Variants in CEP290 observed in about 807,000 individuals in gnomAD.
The protein encoded by CEP290 is centrosomal protein of 290 kDa.
In CEP290, 317 loss-of-function variants were observed where a neutral mutation model predicts 344.9. That is an observed-to-expected ratio of 0.92 (90% CI 0.84 to 1.01). The LOEUF (loss-of-function observed/expected upper bound fraction) is 1.01. CEP290 is among the 50% of genes least tolerant of loss of function. The pLI, the probability that CEP290 is intolerant of heterozygous loss-of-function variation, is 0.00. For synonymous variants in CEP290, 932 were observed against 895.8 expected (o/e 1.04, Z -0.72); for missense variants, 2,754 against 2,761.4 (o/e 1.00, Z 0.06).
Position 88,068,724 on chromosome 12 carries a change from AAAAAG to A in CEP290, c.6012-84_6012-80del, listed in dbSNP as rs950460038. The stretch of plus-strand genomic sequence containing the variant: ...TGTACTATATAAAAATACAAGATAA[AAAAAG>A]AAAAGTTCAGTGTGTTTATTAACAC... On this transcript the variant is annotated intron_variant, in intron 43 of 53. Coordinates refer to ENST00000552810, the MANE Select transcript of CEP290 (RefSeq NM_025114.4). 49 of 1,450,868 alleles carry A rather than the reference AAAAAG, an allele frequency of 3.4e-5. No homozygotes were observed. In the African/African-American group the frequency reaches 5.5e-4, roughly 16 times the overall value. 89.9% of individuals were successfully genotyped at this position (1,450,868 alleles called of 1,614,324 possible). A position where few individuals can be genotyped will look rare whatever the true frequency, so the allele number is the denominator to read the frequency against.
At chr12:88,116,379 G>T (rs1381398058) in intron 18 of CEP290, among the ~76,000 whole-genome samples, 1 of 152,160 alleles carries the variant, frequency 6.6e-6, no homozygotes, top group Non-Finnish European at 1.5e-5. Context: ...AGGGACAAAA[G>T]GATGCATTCC....
Position 88,087,769 on chromosome 12 carries a change from TA to T in CEP290, c.4194+10del. ...CTTAGGGAAAAAAATGAAATAAATA[TA>T]AAATAAAACCTTGTTCTGTTGCACA... is the stretch of plus-strand genomic sequence containing the variant. On this transcript the variant is annotated intron_variant, in intron 32 of 53. Coordinates refer to ENST00000552810, the MANE Select transcript of CEP290 (RefSeq NM_025114.4). 1.1e-6 allele frequency: 1 copy of T among 877,400 alleles called. No individual in the cohort carries two copies. Among genetic ancestry groups the T allele is most frequent in the Non-Finnish European group, 1.5e-6 (1 of 653,298 alleles). 54.4% of individuals were successfully genotyped at this position (877,400 alleles called of 1,614,324 possible).
intron 41 of CEP290, among the ~76,000 whole-genome samples, chr12:88,075,538 A>G (rs943539138): frequency 6.6e-6 from 1 of 152,054 alleles, no homozygotes; most frequent in Non-Finnish European, 1.5e-5. Context: ...TTATGGTCTA[A>G]TAAAAAAAGA....
Position 88,055,646 on chromosome 12 carries a change from T to G in CEP290, c.6890A>C (p.Lys2297Thr). The change falls in exon 50 of 54, where the codon AAA becomes ACA. Residue 2297 changes from lysine to threonine, a missense_variant. By Grantham distance (78) the Lys-to-Thr change is moderately conservative (BLOSUM62 -1). Transcript: ENST00000552810. ...CTCTGTTGCTTCTTTTACAAGCTGTTTAAGGTCAGTAATGCTTTGATTTTT... is the reference window on the plus strand; with the variant it reads ...CTCTGTTGCTTCTTTTACAAGCTGTGTAAGGTCAGTAATGCTTTGATTTTT... ...AKKNQSITDL[K>T]QLVKEATERE... is the part of the protein sequence containing the mutation. 1.3e-6 allele frequency: 2 copies of G among 1,571,002 alleles called. No individual in the cohort carries two copies. The highest frequency in any genetic ancestry group is 1.7e-6 in the Non-Finnish European group (2 of 1,157,642).
intron 43 of CEP290, among the ~76,000 whole-genome samples, chr12:88,069,020 T>C (rs113618888): frequency 6.6e-6 from 1 of 152,168 alleles, no homozygotes; most frequent in Non-Finnish European, 1.5e-5. Flanking sequence ...CATGGTCTTC[T>C]CAAGAAGCTC....
intron 13 of CEP290, 117 bp from the exon 14 acceptor site, chr12:88,121,283 G>A (rs555033939): frequency 1.5e-6 from 1 of 673,184 alleles, no homozygotes; most frequent in South Asian, 2.4e-5. Flanking sequence ...CTTTAAAGTT[G>A]TCATTTTATA....
intron 6 of CEP290, 114 bp from the exon 7 acceptor site, chr12:88,131,332 C>T (rs757554979): frequency 6.3e-5 from 41 of 655,862 alleles, no homozygotes; most frequent in African/African-American, 9.9e-5. Context: ...GGTGCGATCT[C>T]GGCTCACTGC....
At position 88,093,757 on chromosome 12, in the gene CEP290, T is replaced by C. The variant is rs1336881810; in HGVS notation, c.3309+13A>G. On this transcript the variant is annotated intron_variant, in intron 28 of 53. Transcript: ENST00000552810. ...TATTCTATAATTGTATGATAAAACTTATAATATCAAACCTCAGCAAATTTG... is the reference window on the plus strand; with the variant it reads ...TATTCTATAATTGTATGATAAAACTCATAATATCAAACCTCAGCAAATTTG... 1 of 1,568,760 alleles carries C rather than the reference T, an allele frequency of 6.4e-7. No individual in the cohort carries two copies. Among genetic ancestry groups the C allele is most frequent in the Non-Finnish European group, 8.7e-7 (1 of 1,149,552 alleles).
At position 88,089,129 on chromosome 12, in the gene CEP290, T is replaced by G. The variant is rs746025281; in HGVS notation, c.3932A>C (p.His1311Pro). 6.3e-7 allele frequency: 1 copy of G among 1,595,576 alleles called. No homozygotes were observed. The highest frequency in any genetic ancestry group is 8.5e-7 in the Non-Finnish European group (1 of 1,172,372). ...CAATGTTTTGTTCTCCATATTTCTA[T>G]GTTCTTGTTGAGAATTTTTCATTTC... ...MQEMKNSQQE[H>P]RNMENKTLEM... Residue 1311 changes from histidine (H) to proline (P), a missense_variant, in exon 31 of 54, where the codon CAT becomes CCT. Coordinates refer to ENST00000552810, the MANE Select transcript of CEP290 (RefSeq NM_025114.4).
rs747065944 is a variant in CEP290, at chr12:88,106,779, C to T, written c.2713G>A (p.Glu905Lys). Reference protein sequence around the residue: ...SLIRQYTTLVELERQLRKENE... With the variant: ...SLIRQYTTLVKLERQLRKENE... Reference sequence around the variant, plus strand: ...TCTTTTCTAAGTTGTCGCTCCAATTCTACTAAGGTTGTATATTGCCTTATA... The same window carrying T: ...TCTTTTCTAAGTTGTCGCTCCAATTTTACTAAGGTTGTATATTGCCTTATA... The change falls in exon 25 of 54, where the codon GAA (glutamate) becomes AAA (lysine). Residue 905 changes from glutamate (E) to lysine (K), a missense_variant. Physicochemically the swap from Glu to Lys is moderately conservative, Grantham distance 56. Transcript: ENST00000552810. The T allele has an allele frequency of 2.0e-5, 33 of 1,610,336 alleles. No individual in the cohort carries two copies. The highest frequency in any genetic ancestry group is 3.3e-4 in the Middle Eastern group (2 of 6,074).
chr12:88,063,912 A>G (rs2034684573), intron 45 of CEP290, 69 bp downstream of exon 45: 1 of 1,325,810 alleles, frequency 7.5e-7, no homozygotes, highest in Admixed American at 2.6e-5. Flanking sequence ...TAAGCTAATA[A>G]AAGTAAACAT....
intron 18 of CEP290, 112 bp from the exon 19 acceptor site, chr12:88,115,294 A>C: frequency 1.4e-6 from 1 of 719,456 alleles, no homozygotes; most frequent in Non-Finnish European, 2.2e-6. Flanking sequence ...CAAAACAAAA[A>C]AAACGAGCTA....
rs569640908 is a variant in CEP290, at chr12:88,116,090, G to A, written c.1825-908C>T. ...GCCTAAGTGATAACTTCTGCATTAT[G>A]TCTGAAGCTGTTGATAAGCCATGAA... On this transcript the variant is annotated intron_variant, in intron 18 of 53. Transcript: ENST00000552810. 5.2e-5 allele frequency: 51 copies of A among 983,720 alleles called. No homozygotes were observed. In the African/African-American group the frequency reaches 8.4e-4, roughly 16 times the overall value. 60.9% of individuals were successfully genotyped at this position (983,720 alleles called of 1,614,324 possible).
At chr12:88,124,129 C>G (rs1024394082) in intron 13 of CEP290, among the ~76,000 whole-genome samples, 2 of 152,068 alleles carry the variant, frequency 1.3e-5, no homozygotes, top group African/African-American at 4.8e-5. Context: ...CAGCCTAAGT[C>G]AAATTATATC....
chr12:88,134,023 C>T (rs1448254189), intron 6 of CEP290, among the ~76,000 whole-genome samples: 1 of 152,196 alleles, frequency 6.6e-6, no homozygotes, highest in African/African-American at 2.4e-5. Flanking sequence ...ACAATCACTT[C>T]TCTGGCTTCA....
chr12:88,092,216 C>A (rs2037106025), intron 29 of CEP290, among the ~76,000 whole-genome samples: 1 of 152,068 alleles, frequency 6.6e-6, no homozygotes, highest in Non-Finnish European at 1.5e-5. Flanking sequence ...ATACCTTGCA[C>A]CGTGACTAGT....
chr12:88,141,114 A>G, intron 2 of CEP290, 81 bp from the exon 3 acceptor site: 2 of 1,312,072 alleles, frequency 1.5e-6, no homozygotes, highest in East Asian at 2.7e-5. Flanking sequence ...TGTGACAATT[A>G]TAGTTGTCCC....
chr12:88,053,123 G>A (rs1285423096), intron 52 of CEP290, among the ~76,000 whole-genome samples: 2 of 152,058 alleles, frequency 1.3e-5, no homozygotes, highest in Non-Finnish European at 2.9e-5. Context: ...TTGTACATAT[G>A]AACATACAAA....
At position 88,089,415 on chromosome 12, in the gene CEP290, T is replaced by C. The variant is rs760537228; in HGVS notation, c.3646A>G (p.Thr1216Ala). ...HNVSLQLSEA[T>A]ALGKLESITS... The stretch of plus-strand genomic sequence containing the variant: ...ATTGACTCCAACTTACCAAGAGCAG[T>C]AGCCTCACTCAGTTGAAGAGAGACA... The change falls in exon 31 of 54, where the codon ACT (threonine) becomes GCT (alanine). Residue 1216 changes from threonine (T) to alanine (A), a missense_variant. Physicochemically the swap from Thr to Ala is moderately conservative, Grantham distance 58. Coordinates refer to ENST00000552810, the MANE Select transcript of CEP290 (RefSeq NM_025114.4). 2.5e-6 allele frequency: 4 copies of C among 1,610,390 alleles called. No individual in the cohort carries two copies. In the Admixed American group the frequency reaches 5.0e-5, roughly 20 times the overall value.
Sources: allele counts gnomAD v4.1 joint callset (sites outside exome capture counted in the v4.1 genomes callset), GRCh38; gene constraint gnomAD v4.1.1; transcripts MANE v1.5; gene names NCBI Gene and HGNC (gene_info 2026-07-23, HGNC 2026-07-21).